Variants in EPM2A observed in about 807,000 individuals in gnomAD.
The protein encoded by EPM2A is laforin.
A neutral mutation model predicts 26.5 loss-of-function variants in EPM2A; 21 were observed. The ratio of observed to expected loss-of-function variants is 0.79; its 90% CI spans 0.56 to 1.14. The LOEUF (loss-of-function observed/expected upper bound fraction) is 1.14. EPM2A is among the 50% of genes most tolerant of loss of function. EPM2A has a pLI of 0.00. For synonymous variants in EPM2A, 217 were observed against 177.6 expected, an observed-to-expected ratio of 1.22 and a Z score of -1.76; for missense variants, 458 against 440.8, an observed-to-expected ratio of 1.04 and a Z score of -0.35.
At chr6:145,403,628 T>C (rs1057002971) in intron 4 of EPM2A, among the ~76,000 whole-genome samples, 2 of 152,180 alleles carry the variant, frequency 1.3e-5, no homozygotes, top group South Asian at 4.1e-4. Context: ...GGTACTTCAC[T>C]GTGTATGAGT....
At chr6:145,447,388 T>C (rs1331474552) in intron 4 of EPM2A, among the ~76,000 whole-genome samples, 2 of 152,154 alleles carry the variant, frequency 1.3e-5, no homozygotes, top group African/African-American at 2.4e-5. Flanking sequence ...CAATATTCCC[T>C]TCCCTATTTA....
chr6:145,735,201 C>T lies in EPM2A; in HGVS notation c.298G>A (p.Glu100Lys). 6.6e-7 allele frequency: 1 copy of T among 1,519,690 alleles called. No individual in the cohort carries two copies. The highest frequency in any genetic ancestry group is 8.8e-7 in the Non-Finnish European group (1 of 1,130,560). 94.1% of individuals were successfully genotyped at this position (1,519,690 alleles called of 1,614,324 possible). A position where few individuals can be genotyped will look rare whatever the true frequency, so the allele number is the denominator to read the frequency against. ...GGCAGGCGTCTGCTGGCAATACCTT[C>T]CCAGGAGAGCTCTCCTCCCGGCTCC... is the stretch of plus-strand genomic sequence containing the variant. Reference protein sequence around the residue: ...KREPGGELSWEGNGPHHDRCC... With the variant: ...KREPGGELSWKGNGPHHDRCC... Residue 100 changes from glutamate (E) to lysine (K), a missense_variant, in exon 1 of 4, where the codon GAA becomes AAA. Glu to Lys is a moderately conservative substitution (Grantham distance 56). Transcript: ENST00000367519.
chr6:145,395,852 A>G (rs1441795383), intron 4 of EPM2A, among the ~76,000 whole-genome samples: 1 of 152,150 alleles, frequency 6.6e-6, no homozygotes. Context: ...CCTACTGGGC[A>G]GGCTACATGG....
chr6:145,427,693 G>T (rs1410099578), intron 4 of EPM2A, among the ~76,000 whole-genome samples: 3 of 152,150 alleles, frequency 2.0e-5, no homozygotes, highest in African/African-American at 7.2e-5. Flanking sequence ...AGAAAAAAAT[G>T]ATGATGGCCC....
intron 4 of EPM2A, among the ~76,000 whole-genome samples, chr6:145,434,035 T>C (rs1338382466): frequency 6.6e-6 from 1 of 152,056 alleles, no homozygotes; most frequent in Non-Finnish European, 1.5e-5. Flanking sequence ...AAAAAAATCT[T>C]TATTTTACCC....
intron 2 of EPM2A, among the ~76,000 whole-genome samples, chr6:145,664,829 C>A (rs1296234978): frequency 3.3e-5 from 5 of 151,938 alleles, no homozygotes; most frequent in Admixed American, 6.6e-5. Context: ...GACCACAGTG[C>A]AATCAAACTA....
intron 4 of EPM2A, among the ~76,000 whole-genome samples, chr6:145,431,797 C>T (rs142180859): frequency 7.7e-4 from 118 of 152,276 alleles, no homozygotes; most frequent in East Asian, 7.4e-3. Flanking sequence ...AATAATTTCT[C>T]TGGAGCACGC....
At chr6:145,634,238 C>T (rs1322494664) in intron 3 of EPM2A, among the ~76,000 whole-genome samples, 1 of 152,062 alleles carries the variant, frequency 6.6e-6, no homozygotes, top group Non-Finnish European at 1.5e-5. Context: ...TCTCCTCTGC[C>T]GACTGTAGTT....
At chr6:145,702,111 C>A (rs1205628155) in intron 1 of EPM2A, among the ~76,000 whole-genome samples, 1 of 152,190 alleles carries the variant, frequency 6.6e-6, no homozygotes, top group African/African-American at 2.4e-5. Flanking sequence ...CTCTAGCTAG[C>A]CCTGTGCTCA....
At chr6:145,653,640 G>C (rs1019786132) in intron 2 of EPM2A, among the ~76,000 whole-genome samples, 1 of 152,164 alleles carries the variant, frequency 6.6e-6, no homozygotes, top group East Asian at 1.9e-4. Flanking sequence ...TACAGAGTCT[G>C]ACAAGTCCAA....
chr6:145,516,128 T>C (rs1436760167), intron 2 of EPM2A, among the ~76,000 whole-genome samples: 3 of 152,144 alleles, frequency 2.0e-5, no homozygotes, highest in African/African-American at 7.2e-5. Flanking sequence ...CAATAATTAT[T>C]GCCACCATGA....
At position 145,587,605 on chromosome 6, in the gene EPM2A, C is replaced by T. The variant is rs1215177493; in HGVS notation, c.340+47640G>A. Among the ~76,000 whole-genome samples, 7 of 152,292 alleles carry T rather than the reference C, an allele frequency of 4.6e-5. No homozygotes were observed. In the South Asian group the frequency reaches 1.4e-3, roughly 32 times the overall value. On this transcript the variant is annotated intron_variant, in intron 2 of 3. Transcript: ENST00000450221. Reference sequence around the variant, plus strand: ...TTCTGTCAGTACAGCAAATTGAGGACAGAAGGGACTCATTTTCTCAAACAG... The same window carrying T: ...TTCTGTCAGTACAGCAAATTGAGGATAGAAGGGACTCATTTTCTCAAACAG...
chr6:145,732,236 T>TGTGTGTGTGTGC lies in EPM2A; in HGVS notation c.301+2961_301+2962insGCACACACACAC, dbSNP rs374032616. On this transcript the variant is annotated intron_variant, in intron 1 of 3. Transcript: ENST00000367519. ...GTGTGTGTGTGTGTGTGTGTGTGTGTGCGCGCCAAAGTAAGGAAGGGAGAG... is the reference window on the plus strand; with the variant it reads ...GTGTGTGTGTGTGTGTGTGTGTGTGTGTGTGTGTGTGCGCGCGCCAAAGTAAGGAAGGGAGAG... 2.1e-3 allele frequency among the ~76,000 whole-genome samples: 283 copies of TGTGTGTGTGTGC among 132,212 alleles called. 4 individuals carry two copies. Among genetic ancestry groups the TGTGTGTGTGTGC allele is most frequent in the East Asian group, 0.011 (51 of 4,606 alleles). The allele number at this position is 132,212 out of a possible 152,430, so 86.7% of individuals were successfully genotyped here. A position where few individuals can be genotyped will look rare whatever the true frequency, so the allele number is the denominator to read the frequency against.
chr6:145,528,685 T>G (rs1403212987), intron 2 of EPM2A, among the ~76,000 whole-genome samples: 1 of 152,128 alleles, frequency 6.6e-6, no homozygotes, highest in Non-Finnish European at 1.5e-5. Context: ...AGATTATTAA[T>G]GTGGTTTTCA....
intron 2 of EPM2A, among the ~76,000 whole-genome samples, chr6:145,599,529 T>A (rs768667427): frequency 6.6e-6 from 1 of 152,040 alleles, no homozygotes; most frequent in Non-Finnish European, 1.5e-5. Context: ...TTTTTTCTGA[T>A]TAATTCTTCT....
Position 145,627,509 on chromosome 6 carries a change from C to T in EPM2A, c.903G>A (p.Pro301=), listed in dbSNP as rs141361861. The change falls in exon 4 of 4, where the codon CCG becomes CCA. Residue 301 remains proline (P), a synonymous_variant. Coordinates refer to ENST00000367519, the MANE Select transcript of EPM2A (RefSeq NM_005670.4). ...AGGCCTCTTCGTCAATGTAGACAGCCGGCCTCTTGGCCATGAGGAAATACT... is the reference window on the plus strand; with the variant it reads ...AGGCCTCTTCGTCAATGTAGACAGCTGGCCTCTTGGCCATGAGGAAATACT... ...KVQYFLMAKR[P]AVYIDEEALA... The T allele has an allele frequency of 2.7e-5, 43 of 1,614,130 alleles. No homozygotes were observed. The highest frequency in any genetic ancestry group is 2.2e-5 in the East Asian group (1 of 44,890).
intron 2 of EPM2A, among the ~76,000 whole-genome samples, chr6:145,665,556 T>C (rs987404629): frequency 4.9e-5 from 7 of 143,468 alleles, no homozygotes; most frequent in African/African-American, 5.3e-5. Flanking sequence ...CAGGACCAGA[T>C]GGATTCACAG....
intron 1 of EPM2A, among the ~76,000 whole-genome samples, chr6:145,733,076 A>G (rs1275573023): frequency 6.6e-6 from 1 of 152,214 alleles, no homozygotes; most frequent in Non-Finnish European, 1.5e-5. Context: ...TACCTTAAAC[A>G]AGAAGGCACT....
chr6:145,393,003 C>T (rs1778357733), intron 4 of EPM2A, among the ~76,000 whole-genome samples: 1 of 151,858 alleles, frequency 6.6e-6, no homozygotes, highest in South Asian at 2.1e-4. Context: ...ATTAAAAAAA[C>T]TTTCAGACAG....
Sources: gnomAD v4.1 joint callset for allele counts (sites outside exome capture counted in the v4.1 genomes callset) on GRCh38, gnomAD v4.1.1 for gene constraint, MANE v1.5 for transcripts, NCBI Gene and HGNC (gene_info 2026-07-23, HGNC 2026-07-21) for gene names.